Variants in SLC31A1 observed in about 807,000 individuals in gnomAD.
SLC31A1 encodes solute carrier family 31 member 1.
SLC31A1 carries 5 observed loss-of-function variants against 17.2 expected under a neutral mutation model. That is an observed-to-expected ratio of 0.29 (90% CI 0.15 to 0.61). SLC31A1 has a LOEUF of 0.61. Among genes scored for constraint, SLC31A1 ranks in the 20% least tolerant of loss-of-function variants. The pLI, the probability that SLC31A1 is intolerant of heterozygous loss-of-function variation, is 0.86. For synonymous variants in SLC31A1, 76 were observed against 78.8 expected (o/e 0.96, Z 0.19); for missense variants, 161 against 241.4 (o/e 0.67, Z 2.21).
chr9:113,261,886 T>C lies in SLC31A1; in HGVS notation c.*1413T>C, dbSNP rs566615349. ...GATTGGTAGATGGTGTGTCTGGACT[T>C]AACTCACGTAGTAAATACTGCTGAT... On this transcript the variant is annotated 3_prime_UTR_variant, in exon 5 of 5. Transcript: ENST00000374212. The C allele has an allele frequency of 6.5e-6, 1 of 152,786 alleles. No homozygotes were observed. Among genetic ancestry groups the C allele is most frequent in the South Asian group, 2.1e-4 (1 of 4,830 alleles). 9.5% of individuals were successfully genotyped at this position (152,786 alleles called of 1,614,324 possible).
At chr9:113,241,519 T>A (rs1162719816) in intron 1 of SLC31A1, among the ~76,000 whole-genome samples, 1 of 152,196 alleles carries the variant, frequency 6.6e-6, no homozygotes, top group Non-Finnish European at 1.5e-5. Context: ...ATTATAGAAT[T>A]TGTGTATTAC....
chr9:113,243,298 T>C (rs1831540553), intron 1 of SLC31A1, among the ~76,000 whole-genome samples: 1 of 152,226 alleles, frequency 6.6e-6, no homozygotes, highest in Non-Finnish European at 1.5e-5. Context: ...TCAGAAGACA[T>C]AGGTGACCTA....
At chr9:113,252,846 C>G (rs1310449844) in intron 1 of SLC31A1, among the ~76,000 whole-genome samples, 1 of 152,036 alleles carries the variant, frequency 6.6e-6, no homozygotes, top group Non-Finnish European at 1.5e-5. Flanking sequence ...AATCATTTTT[C>G]AGACTCTCAT....
chr9:113,222,650 C>T (rs558445642), intron 1 of SLC31A1, among the ~76,000 whole-genome samples: 2 of 152,284 alleles, frequency 1.3e-5, no homozygotes, highest in Non-Finnish European at 2.9e-5. Context: ...GTAGCTCCCT[C>T]CCAGAGAACT....
chr9:113,256,129 C>G lies in SLC31A1; in HGVS notation c.-20C>G. 2 of 1,611,450 alleles carry G rather than the reference C, an allele frequency of 1.2e-6. No individual in the cohort carries two copies. Among genetic ancestry groups the G allele is most frequent in the Non-Finnish European group, 1.7e-6 (2 of 1,179,434 alleles). ...CTCTTAAAAGAATCTTCTGCTGACT[C>G]TCAACTTTTCCTGGAAAAAATGGAT... On this transcript the variant is annotated 5_prime_UTR_variant, in exon 2 of 5. Coordinates refer to ENST00000374212, the MANE Select transcript of SLC31A1 (RefSeq NM_001859.4).
intron 1 of SLC31A1, among the ~76,000 whole-genome samples, chr9:113,246,594 G>C (rs949690400): frequency 2.6e-5 from 4 of 152,258 alleles, no homozygotes; most frequent in Non-Finnish European, 5.9e-5. Context: ...CTCGTGATCT[G>C]CCTGCCTTGG....
At chr9:113,250,458 T>C (rs1183423509) in intron 1 of SLC31A1, among the ~76,000 whole-genome samples, 4 of 147,666 alleles carry the variant, frequency 2.7e-5, no homozygotes, top group South Asian at 2.2e-4. Context: ...TATTCTCACT[T>C]ATAGGTGGGA....
chr9:113,259,874 C>G (rs912410128), intron 4 of SLC31A1, among the ~76,000 whole-genome samples: 4 of 152,176 alleles, frequency 2.6e-5, no homozygotes, highest in Admixed American at 2.0e-4. Context: ...GCATTAGCCA[C>G]CACCCCCAGC....
At position 113,232,280 on chromosome 9, in the gene SLC31A1, G is replaced by T. The variant is rs371398519; in HGVS notation, c.-36+10602G>T. Among the ~76,000 whole-genome samples the T allele has an allele frequency of 1.2e-4, 19 of 152,208 alleles. No homozygotes were observed. The East Asian group carries it at 3.1e-3, about 25-fold the overall frequency. Reference sequence around the variant, plus strand: ...ATCATTATTTCCATTTCAAGATGGCGTTTTGAACTCATCTCTTTTCCTTCC... The same window carrying T: ...ATCATTATTTCCATTTCAAGATGGCTTTTTGAACTCATCTCTTTTCCTTCC... On this transcript the variant is annotated intron_variant, in intron 1 of 4. Transcript: ENST00000374212.
chr9:113,256,877 AAGAT>A (rs1435113008), intron 2 of SLC31A1, among the ~76,000 whole-genome samples: 1 of 151,654 alleles, frequency 6.6e-6, no homozygotes, highest in Non-Finnish European at 1.5e-5. Context: ...AAAAAAAAAA[AAGAT>A]AAAAGTTGAT....
intron 1 of SLC31A1, among the ~76,000 whole-genome samples, chr9:113,222,876 CCAACACCGGTCA>C (rs1427748925): frequency 6.6e-6 from 1 of 152,164 alleles, no homozygotes; most frequent in Non-Finnish European, 1.5e-5. Flanking sequence ...ATCCCTCTCC[CCAACACCGGTCA>C]CTGTGATTGC....
chr9:113,224,294 A>G (rs1160556541), intron 1 of SLC31A1, among the ~76,000 whole-genome samples: 1 of 152,240 alleles, frequency 6.6e-6, no homozygotes, highest in South Asian at 2.1e-4. Context: ...TATTTTTAAC[A>G]TGGAATGAAT....
intron 1 of SLC31A1, among the ~76,000 whole-genome samples, chr9:113,237,679 C>A (rs769053904): frequency 2.6e-5 from 4 of 152,166 alleles, no homozygotes; most frequent in Non-Finnish European, 4.4e-5. Context: ...CTTTATACCT[C>A]AGTTTTCCAT....
chr9:113,244,505 C>G (rs575226111), intron 1 of SLC31A1, among the ~76,000 whole-genome samples: 19 of 152,014 alleles, frequency 1.2e-4, no homozygotes, highest in African/African-American at 4.6e-4. Context: ...CTGTCAGGGT[C>G]AGAAAAAAAC....
chr9:113,248,676 A>G (rs1228021432), intron 1 of SLC31A1, among the ~76,000 whole-genome samples: 1 of 151,778 alleles, frequency 6.6e-6, no homozygotes, highest in Non-Finnish European at 1.5e-5. Context: ...ATGGGGTTTC[A>G]CTATGTTGGC....
At chr9:113,236,398 C>G (rs1487036363) in intron 1 of SLC31A1, among the ~76,000 whole-genome samples, 1 of 151,790 alleles carries the variant, frequency 6.6e-6, no homozygotes, top group Non-Finnish European at 1.5e-5. Flanking sequence ...GAGTCTCACT[C>G]TGTCGCCCAG....
intron 1 of SLC31A1, among the ~76,000 whole-genome samples, chr9:113,249,881 A>C (rs1418018560): frequency 6.6e-6 from 1 of 152,050 alleles, no homozygotes; most frequent in Non-Finnish European, 1.5e-5. Context: ...ATGAACAGAC[A>C]CTTCTCAAAA....
intron 1 of SLC31A1, chr9:113,223,341 A>G: frequency 2.6e-6 from 1 of 381,770 alleles, no homozygotes; most frequent in Non-Finnish European, 5.1e-6. Flanking sequence ...AAAAAAAAAA[A>G]AGAAAGCCAC....
intron 1 of SLC31A1, among the ~76,000 whole-genome samples, chr9:113,240,854 A>C (rs1467548370): frequency 6.6e-6 from 1 of 152,122 alleles, no homozygotes; most frequent in East Asian, 1.9e-4. Flanking sequence ...GTTTGAGACC[A>C]GCCTGGCCAA....
Sources: gnomAD v4.1 joint callset for allele counts (sites outside exome capture counted in the v4.1 genomes callset) on GRCh38, gnomAD v4.1.1 for gene constraint, MANE v1.5 for transcripts, NCBI Gene and HGNC (gene_info 2026-07-23, HGNC 2026-07-21) for gene names.